The following RPL7A variants were observed in gnomAD, a reference collection of about 807,000 sequenced individuals.
RPL7A encodes the protein ribosomal protein L7a.
For synonymous variants in RPL7A, 158 were observed against 128.2 expected (o/e 1.23, Z -1.57); for missense variants, 291 against 338.2 (o/e 0.86, Z 1.09).
chr9:133,348,809 T>C (rs2129981107), intron 1 of RPL7A, 113 bp from the exon 2 acceptor site: 20 of 1,542,750 alleles, frequency 1.3e-5, no homozygotes, highest in South Asian at 9.0e-5. Context: ...GCTCGCCAGC[T>C]TAGTTCAGGC....
chr9:133,349,138 A>G (rs1836305958), intron 2 of RPL7A, 96 bp downstream of exon 2: 1 of 1,443,354 alleles, frequency 6.9e-7, no homozygotes, highest in Non-Finnish European at 9.5e-7. Context: ...TAGTGGGTGT[A>G]AAGTGGTCGC....
chr9:133,348,734 A>G, intron 1 of RPL7A, 188 bp from the exon 2 acceptor site: 1 of 883,802 alleles, frequency 1.1e-6, no homozygotes. Context: ...CCGGGGCTGC[A>G]TGCTTGTGCG....
intron 4 of RPL7A, 42 bp downstream of exon 4, chr9:133,350,094 G>C: frequency 6.2e-7 from 1 of 1,613,960 alleles, no homozygotes; most frequent in Non-Finnish European, 8.5e-7. Context: ...GGGGCGGGCT[G>C]TTGCAGTGAT....
At chr9:133,348,418 G>A (rs1836274311) in intron 1 of RPL7A, 172 bp downstream of exon 1, 1 of 935,968 alleles carries the variant, frequency 1.1e-6, no homozygotes, top group Non-Finnish European at 1.7e-6. Context: ...GGTGTGGCAC[G>A]GAGACATTGA....
In RPL7A at chr9:133,349,979, G is replaced by T. The variant is rs2129990293; in HGVS notation, c.342G>T (p.Leu114=). Residue 114 remains leucine, a synonymous_variant, in exon 4 of 8, where the codon CTG becomes CTT. Coordinates refer to ENST00000323345, the MANE Select transcript of RPL7A (RefSeq NM_000972.3). Reference sequence around the variant, plus strand: ...CAAAGCAAGAGAAGAAGCAGAGACTGTTGGCCCGGGCCGAGAAGAAGGCTG... The same window carrying T: ...CAAAGCAAGAGAAGAAGCAGAGACTTTTGGCCCGGGCCGAGAAGAAGGCTG... The part of the protein sequence containing the change: ...PETKQEKKQR[L]LARAEKKAAG... 6.2e-7 allele frequency: 1 copy of T among 1,612,482 alleles called. No individual in the cohort carries two copies. The highest frequency in any genetic ancestry group is 1.1e-5 in the South Asian group (1 of 91,014).
intron 1 of RPL7A, 97 bp downstream of exon 1, chr9:133,348,343 C>T: frequency 1.3e-6 from 2 of 1,541,300 alleles, no homozygotes; most frequent in Non-Finnish European, 1.8e-6. Context: ...TCCTGCTCCT[C>T]CTGGCGCTAG....
At chr9:133,349,075 A>G (rs2129983310) in intron 2 of RPL7A, 33 bp downstream of exon 2, 44 of 1,609,238 alleles carry the variant, frequency 2.7e-5, no homozygotes, top group Admixed American at 2.0e-4. Flanking sequence ...AAAACGGTCT[A>G]TGTTTTTCTC....
At chr9:133,349,167 CTT>C (rs1442805214) in intron 2 of RPL7A, 125 bp downstream of exon 2, 1 of 1,165,532 alleles carries the variant, frequency 8.6e-7, no homozygotes, top group African/African-American at 1.5e-5. Flanking sequence ...ATTTGTGTCT[CTT>C]AGAGACGGGG....
At chr9:133,349,869 T>G (rs2129989224) in intron 3 of RPL7A, 43 bp from the exon 4 acceptor site, 1 of 1,606,626 alleles carries the variant, frequency 6.2e-7, no homozygotes, top group African/African-American at 1.3e-5. Context: ...TGACAAGGAT[T>G]AGAACCTTGA....
intron 2 of RPL7A, chr9:133,349,278 A>G (rs1836311599): frequency 1.3e-6 from 1 of 747,090 alleles, no homozygotes; most frequent in Non-Finnish European, 2.3e-6. Flanking sequence ...TCTGGAAACA[A>G]GTACAGTAGC....
chr9:133,349,242 T>G (rs1358107574), intron 2 of RPL7A, 200 bp downstream of exon 2: 1 of 750,844 alleles, frequency 1.3e-6, no homozygotes, highest in East Asian at 2.6e-5. Flanking sequence ...CTCAATATGG[T>G]AGTGGCCTTG....
chr9:133,349,238 ATGGTAG>A, intron 2 of RPL7A, 196 bp downstream of exon 2: 1 of 751,430 alleles, frequency 1.3e-6, no homozygotes, highest in Non-Finnish European at 2.3e-6. Context: ...TCAGCTCAAT[ATGGTAG>A]TGGCCTTGAA....
rs1260268841 is a variant in RPL7A, at chr9:133,348,987, G to A, written c.69G>A (p.Glu23=). Residue 23 remains glutamate, a synonymous_variant, in exon 2 of 8, where the codon GAG becomes GAA. Transcript: ENST00000323345. ...APAPAVVKKQ[E]AKKVVNPLFE... ...CCCCAGCTGTCGTGAAGAAGCAGGA[G>A]GCTAAGAAAGTGGTGAATCCCCTGT... 1 of 1,613,922 alleles carries A rather than the reference G, an allele frequency of 6.2e-7. No individual in the cohort carries two copies. Among genetic ancestry groups the A allele is most frequent in the Non-Finnish European group, 8.5e-7 (1 of 1,180,030 alleles).
chr9:133,349,988 G>T lies in RPL7A; in HGVS notation c.351G>T (p.Arg117=), dbSNP rs1424216839. ...KQEKKQRLLA[R]AEKKAAGKGD... ...AGAAGAAGCAGAGACTGTTGGCCCG[G>T]GCCGAGAAGAAGGCTGCTGGCAAAG... Residue 117 remains arginine (R), a synonymous_variant, in exon 4 of 8, where the codon CGG becomes CGT. Coordinates refer to ENST00000323345, the MANE Select transcript of RPL7A (RefSeq NM_000972.3). 6.2e-7 allele frequency: 1 copy of T among 1,612,604 alleles called. No individual in the cohort carries two copies. Among genetic ancestry groups the T allele is most frequent in the Middle Eastern group, 2.0e-4 (1 of 4,976 alleles).
At chr9:133,349,849 A>G (rs2129989022) in intron 3 of RPL7A, 63 bp from the exon 4 acceptor site, 1 of 1,592,868 alleles carries the variant, frequency 6.3e-7, no homozygotes, top group Non-Finnish European at 8.5e-7. Context: ...ATTTGTTATT[A>G]AGTGTTAAGT....
Position 133,350,221 on chromosome 9 carries a change from A to G in RPL7A, c.416-19A>G. On this transcript the variant is annotated intron_variant, in intron 4 of 7. Transcript: ENST00000323345. The stretch of plus-strand genomic sequence containing the variant: ...AGAGCAGGCCCTGTGAGTGCTCACA[A>G]AGTGGTTGTGTGTTCTAGGAGTTAA... 2 of 1,613,758 alleles carry G rather than the reference A, an allele frequency of 1.2e-6. No individual in the cohort carries two copies. The highest frequency in any genetic ancestry group is 1.7e-6 in the Non-Finnish European group (2 of 1,179,872).
chr9:133,351,111 A>G (rs2129998187), intron 7 of RPL7A, 40 bp downstream of exon 7: 1 of 1,598,316 alleles, frequency 6.3e-7, no homozygotes, highest in East Asian at 2.2e-5. Flanking sequence ...TCATTCACAA[A>G]TCTTTCTCCC....
chr9:133,348,675 G>T (rs997901243), intron 1 of RPL7A: 2 of 703,266 alleles, frequency 2.8e-6, no homozygotes, highest in Non-Finnish European at 5.2e-6. Context: ...TGGGCGACGC[G>T]AAGAGAGCGT....
At chr9:133,350,763 T>C in intron 6 of RPL7A, 36 bp downstream of exon 6, 1 of 1,608,480 alleles carries the variant, frequency 6.2e-7, no homozygotes, top group Non-Finnish European at 8.5e-7. Flanking sequence ...TTCCCCCCAG[T>C]TCATTTAATC....
Sources: allele counts gnomAD v4.1 joint callset, GRCh38; gene constraint gnomAD v4.1.1; transcripts MANE v1.5; gene names NCBI Gene and HGNC (gene_info 2026-07-23, HGNC 2026-07-21).